The following DGKI variants were observed in gnomAD, a reference collection of about 807,000 sequenced individuals.
The protein encoded by DGKI is DAG kinase iota.
DGKI carries 55 observed loss-of-function variants against 147.5 expected under a neutral mutation model. That is an observed-to-expected ratio of 0.37 (90% CI 0.30 to 0.47). DGKI has a LOEUF of 0.47. DGKI is among the 20% of genes least tolerant of loss of function. The probability of loss-of-function intolerance (pLI) is 1.00; values close to 1 mark genes in which losing one functional copy is unlikely to be tolerated. For synonymous variants in DGKI, 469 were observed against 477.1 expected, an observed-to-expected ratio of 0.98 and a Z score of 0.22; for missense variants, 1,007 against 1,323.8, an observed-to-expected ratio of 0.76 and a Z score of 3.71.
intron 1 of DGKI, among the ~76,000 whole-genome samples, chr7:137,829,712 G>A (rs1191552576): frequency 3.3e-5 from 5 of 152,184 alleles, no homozygotes; most frequent in Admixed American, 2.6e-4. Flanking sequence ...GCTGTCCTCT[G>A]GATAAGATAA....
intron 21 of DGKI, among the ~76,000 whole-genome samples, chr7:137,519,978 T>G (rs1180617947): frequency 6.6e-6 from 1 of 152,102 alleles, no homozygotes; most frequent in African/African-American, 2.4e-5. Flanking sequence ...TTCAATTTAT[T>G]TGGCTTACAT....
At chr7:137,803,111 C>T (rs1195251494) in intron 1 of DGKI, among the ~76,000 whole-genome samples, 11 of 152,076 alleles carry the variant, frequency 7.2e-5, no homozygotes, top group African/African-American at 2.4e-4. Flanking sequence ...ATAAATGCAT[C>T]CTGGAGAAGC....
intron 27 of DGKI, among the ~76,000 whole-genome samples, chr7:137,450,871 A>G (rs1404665201): frequency 3.9e-5 from 6 of 151,976 alleles, no homozygotes; most frequent in African/African-American, 1.4e-4. Flanking sequence ...ACCCTTCCCA[A>G]TATTAACCCT....
intron 1 of DGKI, among the ~76,000 whole-genome samples, chr7:137,802,818 C>T (rs1453535151): frequency 6.6e-6 from 1 of 152,200 alleles, no homozygotes; most frequent in Non-Finnish European, 1.5e-5. Context: ...GTTCCAACTG[C>T]ACATCTTACT....
intron 1 of DGKI, among the ~76,000 whole-genome samples, chr7:137,706,579 A>ATT (rs374911587): frequency 8.2e-6 from 1 of 122,688 alleles, no homozygotes; most frequent in South Asian, 2.4e-4. Flanking sequence ...TTTTATTTTT[A>ATT]TTTTTTTTTT....
At chr7:137,622,732 C>T (rs2128998341) in intron 7 of DGKI, among the ~76,000 whole-genome samples, 1 of 152,192 alleles carries the variant, frequency 6.6e-6, no homozygotes, top group Non-Finnish European at 1.5e-5. Flanking sequence ...CTGGGTTAGA[C>T]TATATGTTAT....
At chr7:137,548,217 G>C (rs1312304145) in intron 20 of DGKI, among the ~76,000 whole-genome samples, 1 of 152,210 alleles carries the variant, frequency 6.6e-6, no homozygotes, top group Admixed American at 6.5e-5. Flanking sequence ...TGCTTTACTG[G>C]TAGAGAAGAT....
intron 10 of DGKI, among the ~76,000 whole-genome samples, chr7:137,605,739 T>C (rs1198670685): frequency 6.6e-6 from 1 of 152,184 alleles, no homozygotes; most frequent in Non-Finnish European, 1.5e-5. Context: ...TTCTCACTCA[T>C]ATGTAGTAGA....
intron 28 of DGKI, among the ~76,000 whole-genome samples, chr7:137,417,979 T>C (rs760893906): frequency 2.0e-5 from 3 of 152,176 alleles, no homozygotes; most frequent in Non-Finnish European, 4.4e-5. Flanking sequence ...CAGTCTAAGA[T>C]ATTTTGTCCT....
chr7:137,811,231 T>C (rs1226569344), intron 1 of DGKI, among the ~76,000 whole-genome samples: 1 of 152,088 alleles, frequency 6.6e-6, no homozygotes, highest in Non-Finnish European at 1.5e-5. Context: ...AGGAGGCTCT[T>C]TAATGATATT....
At chr7:137,739,324 G>A (rs972950691) in intron 1 of DGKI, among the ~76,000 whole-genome samples, 11 of 152,132 alleles carry the variant, frequency 7.2e-5, no homozygotes, top group African/African-American at 2.4e-4. Context: ...TATTTGACCT[G>A]TGAAATCACA....
chr7:137,576,188 C>A (rs541449147), intron 17 of DGKI, among the ~76,000 whole-genome samples: 1 of 151,868 alleles, frequency 6.6e-6, no homozygotes, highest in African/African-American at 2.4e-5. Context: ...CAGGCACATG[C>A]CACCACGCCT....
At chr7:137,737,981 G>GA (rs1795072287) in intron 1 of DGKI, among the ~76,000 whole-genome samples, 1 of 152,124 alleles carries the variant, frequency 6.6e-6, no homozygotes, top group Admixed American at 6.5e-5. Flanking sequence ...CAAGGGATAA[G>GA]ACAGAAACAG....
chr7:137,444,254 T>G (rs1399127288), intron 27 of DGKI, 152 bp from the exon 28 acceptor site: 2 of 551,644 alleles, frequency 3.6e-6, no homozygotes, highest in South Asian at 2.7e-5. Context: ...CATGGTATAT[T>G]TCAATCAACA....
rs950493721 is a variant in DGKI, at chr7:137,585,270, T to C, written c.1502A>G (p.Asn501Ser). The change falls in exon 14 of 33, where the codon AAC (asparagine) becomes AGC (serine). Residue 501 changes from asparagine to serine, a missense_variant. Coordinates refer to ENST00000614521, the MANE Select transcript of DGKI (RefSeq NM_001321708.2). ...DGTVVQLDRW[N>S]LHVERNPDLP... ...GTCGGGGTTTCTTTCCACATGGAGGTTCCAGCGATCTAGCTGTACAACTGT... is the reference window on the plus strand; with the variant it reads ...GTCGGGGTTTCTTTCCACATGGAGGCTCCAGCGATCTAGCTGTACAACTGT... 2 of 1,613,998 alleles carry C rather than the reference T, an allele frequency of 1.2e-6. No homozygotes were observed. Among genetic ancestry groups the C allele is most frequent in the Non-Finnish European group, 1.7e-6 (2 of 1,179,992 alleles).
Position 137,678,589 on chromosome 7 carries a change from G to C in DGKI, c.574C>G (p.Leu192Val). 2 of 1,614,102 alleles carry C rather than the reference G, an allele frequency of 1.2e-6. No homozygotes were observed. The highest frequency in any genetic ancestry group is 1.7e-6 in the Non-Finnish European group (2 of 1,179,980). Residue 192 changes from leucine to valine, a missense_variant, in exon 3 of 33, where the codon CTT (leucine) becomes GTT (valine). Around this residue, in one of 5 missense-constraint regions of DGKI, gnomAD observed 259 missense variants for 362.5 expected, o/e 0.71. Transcript: ENST00000614521. ...ETNVSGDLCY[L>V]GEENCQVRFA... ...CTGACTTGGCAGTTCTCCTCTCCAA[G>C]GTAGCAGAGGTCTCCCGAGACGTTG...
intron 12 of DGKI, among the ~76,000 whole-genome samples, chr7:137,589,941 T>A (rs1369240632): frequency 6.6e-6 from 1 of 152,084 alleles, no homozygotes; most frequent in Non-Finnish European, 1.5e-5. Flanking sequence ...TTGAAATATG[T>A]CTCTCTTTTC....
At chr7:137,419,566 T>C (rs2128905173) in intron 28 of DGKI, among the ~76,000 whole-genome samples, 1 of 152,248 alleles carries the variant, frequency 6.6e-6, no homozygotes, top group Non-Finnish European at 1.5e-5. Flanking sequence ...AGTATAATCA[T>C]CAAACACAGC....
At chr7:137,536,241 T>A (rs960898711) in intron 20 of DGKI, among the ~76,000 whole-genome samples, 3 of 152,164 alleles carry the variant, frequency 2.0e-5, no homozygotes, top group Non-Finnish European at 4.4e-5. Context: ...CATGCAATCA[T>A]AGGCAAGTTT....
Sources: allele counts gnomAD v4.1 joint callset (sites outside exome capture counted in the v4.1 genomes callset), GRCh38; gene constraint gnomAD v4.1.1; regional missense constraint gnomAD v4.1.1; transcripts MANE v1.5; gene names NCBI Gene and HGNC (gene_info 2026-07-23, HGNC 2026-07-21).